ANKRD60: variants seen among roughly 807,000 people sequenced by gnomAD.
The protein encoded by ANKRD60 is ankyrin repeat domain 60.
A neutral mutation model predicts 21.3 loss-of-function variants in ANKRD60; 24 were observed. The observed-to-expected ratio is 1.13, with a 90% CI of 0.82 to 1.59. ANKRD60 has a LOEUF of 1.59. ANKRD60 is among the 40% of genes most tolerant of loss of function. The pLI is 0.00. For synonymous variants in ANKRD60, 182 were observed against 199.4 expected (o/e 0.91, Z 0.74); for missense variants, 490 against 466.7 (o/e 1.05, Z -0.46).
chr20:58,225,080 T>A (rs1193270002), intron 1 of ANKRD60, among the ~76,000 whole-genome samples: 1 of 152,172 alleles, frequency 6.6e-6, no homozygotes, highest in Admixed American at 6.5e-5. Context: ...GAGTAGCACT[T>A]TCTGTCTTTC....
rs1370366387 is a variant in ANKRD60, at chr20:58,228,235, T to C, written c.419A>G (p.Tyr140Cys). Residue 140 changes from tyrosine to cysteine, a missense_variant, in exon 1 of 4, where the codon TAC becomes TGC. Coordinates refer to ENST00000457363, the Ensembl canonical transcript of ANKRD60. This position sits in a 1 kb window ranked among gnomAD's most constrained non-coding sequence, Gnocchi z 5.3. ...AGGGCAGGAGCCACCTTCGTCGAGGTACTGGAGCCGCTGGAGGTTGAAGGG... is the reference window on the plus strand; with the variant it reads ...AGGGCAGGAGCCACCTTCGTCGAGGCACTGGAGCCGCTGGAGGTTGAAGGG... 1.3e-6 allele frequency: 2 copies of C among 1,549,078 alleles called. No individual in the cohort carries two copies. Among genetic ancestry groups the C allele is most frequent in the African/African-American group, 2.7e-5 (2 of 72,916 alleles).
In ANKRD60 at chr20:58,223,503, A is replaced by T. The variant is rs538308682; in HGVS notation, c.431-321T>A. Among the ~76,000 whole-genome samples, 13 of 152,368 alleles carry T rather than the reference A, an allele frequency of 8.5e-5. 1 individual carries two copies. The highest frequency in any genetic ancestry group is 5.9e-4 in the Admixed American group (9 of 15,314). ...ATTTTATGAGGCAAACTCTACAAAT[A>T]GAATGACTTAAACCTGAAGTAACCA... On this transcript the variant is annotated intron_variant, in intron 1 of 3. Transcript: ENST00000457363.
intron 1 of ANKRD60, among the ~76,000 whole-genome samples, chr20:58,224,136 G>A (rs1203151052): frequency 6.6e-6 from 1 of 151,752 alleles, no homozygotes; most frequent in Non-Finnish European, 1.5e-5. Flanking sequence ...TTACCAAATG[G>A]GCTCTGGGGG....
At chr20:58,222,517 C>T (rs1465911498) in intron 2 of ANKRD60, among the ~76,000 whole-genome samples, 4 of 152,220 alleles carry the variant, frequency 2.6e-5, no homozygotes, top group Non-Finnish European at 5.9e-5. Context: ...GATTCATCTT[C>T]CCTGTTGGGT....
intron 3 of ANKRD60, among the ~76,000 whole-genome samples, chr20:58,219,709 T>C (rs1984207275): frequency 6.6e-6 from 1 of 152,218 alleles, no homozygotes; most frequent in African/African-American, 2.4e-5. Flanking sequence ...CTCCGGCTGG[T>C]TGGTGAGGTA....
Position 58,228,025 on chromosome 20 carries a change from G to A in ANKRD60, c.430+199C>T, listed in dbSNP as rs141230141. Among the ~76,000 whole-genome samples, 1 of 152,252 alleles carries A rather than the reference G, an allele frequency of 6.6e-6. No individual in the cohort carries two copies. The highest frequency in any genetic ancestry group is 2.4e-5 in the African/African-American group (1 of 41,542). On this transcript the variant is annotated intron_variant, in intron 1 of 3. Transcript: ENST00000457363. This position sits in a 1 kb window ranked among gnomAD's most constrained non-coding sequence, Gnocchi z 5.3. ...ATTGGGAGTCCAATTTGAACGCCGTGTGTTTGAGATTGGGAAGTCCCTCTG... is the reference window on the plus strand; with the variant it reads ...ATTGGGAGTCCAATTTGAACGCCGTATGTTTGAGATTGGGAAGTCCCTCTG...
intron 3 of ANKRD60, among the ~76,000 whole-genome samples, chr20:58,221,131 GAGA>G (rs943359845): frequency 2.0e-5 from 3 of 152,176 alleles, no homozygotes; most frequent in East Asian, 1.9e-4. Context: ...ACCTGGTGAA[GAGA>G]AGGAGGGCAG....
intron 2 of ANKRD60, among the ~76,000 whole-genome samples, chr20:58,222,181 G>A (rs185818856): frequency 1.3e-5 from 2 of 152,282 alleles, no homozygotes; most frequent in African/African-American, 2.4e-5. Flanking sequence ...AACCAAGCAT[G>A]GACCACACTG....
chr20:58,223,964 C>T (rs1016930982), intron 1 of ANKRD60, among the ~76,000 whole-genome samples: 6 of 152,072 alleles, frequency 3.9e-5, no homozygotes, highest in African/African-American at 9.7e-5. Flanking sequence ...TATCTGGGCC[C>T]GATGGCTCAC....
chr20:58,220,424 A>G (rs903167231), intron 3 of ANKRD60, among the ~76,000 whole-genome samples: 1 of 151,962 alleles, frequency 6.6e-6, no homozygotes, highest in African/African-American at 2.4e-5. Flanking sequence ...ATGGAATACT[A>G]TGTAAAGCTC....
chr20:58,228,237 C>A lies in ANKRD60; in HGVS notation c.417G>T (p.Gln139His). 6.5e-7 allele frequency: 1 copy of A among 1,549,538 alleles called. No homozygotes were observed. Among genetic ancestry groups the A allele is most frequent in the Non-Finnish European group, 8.7e-7 (1 of 1,145,718 alleles). Residue 139 changes from glutamine to histidine, a missense_variant, in exon 1 of 4, where the codon CAG becomes CAT. Physicochemically the swap from Gln to His is conservative, Grantham distance 24. Coordinates refer to ENST00000457363, the Ensembl canonical transcript of ANKRD60. This position sits in a 1 kb window ranked among gnomAD's most constrained non-coding sequence, Gnocchi z 5.3. ...GGCAGGAGCCACCTTCGTCGAGGTACTGGAGCCGCTGGAGGTTGAAGGGGA... is the reference window on the plus strand; with the variant it reads ...GGCAGGAGCCACCTTCGTCGAGGTAATGGAGCCGCTGGAGGTTGAAGGGGA...
chr20:58,228,157 A>T lies in ANKRD60; in HGVS notation c.430+67T>A. 7.1e-7 allele frequency: 1 copy of T among 1,401,544 alleles called. No homozygotes were observed. Among genetic ancestry groups the T allele is most frequent in the Non-Finnish European group, 9.6e-7 (1 of 1,041,038 alleles). The allele number at this position is 1,401,544 out of a possible 1,614,324, so 86.8% of individuals were successfully genotyped here. ...TCACGTAAGCAGGCTTCCCTTTGGG[A>T]ATCCACTTCAGAAGTGGACAGGGTG... On this transcript the variant is annotated intron_variant, in intron 1 of 3. Coordinates refer to ENST00000457363, the Ensembl canonical transcript of ANKRD60. The surrounding 1 kb of genome is among the most constrained non-coding windows in gnomAD (Gnocchi z 5.3).
At chr20:58,220,489 CAGAGAGAG>C (rs11469843) in intron 3 of ANKRD60, among the ~76,000 whole-genome samples, 163 of 144,362 alleles carry the variant, frequency 1.1e-3, no homozygotes, top group South Asian at 3.4e-3. Flanking sequence ...TCAAGAGAGC[CAGAGAGAG>C]AGAGAGAGAG....
rs560286526 is a variant in ANKRD60 at position 58,224,141 on chromosome 20, TG to T, written c.431-960del. Among the ~76,000 whole-genome samples the T allele has an allele frequency of 3.4e-3, 520 of 151,258 alleles. 5 individuals are homozygous for T. The highest frequency in any genetic ancestry group is 0.012 in the African/African-American group (504 of 41,264). On this transcript the variant is annotated intron_variant, in intron 1 of 3. Coordinates refer to ENST00000457363, the Ensembl canonical transcript of ANKRD60. ...GCTCCAGACATTACCAAATGGGCTCTGGGGGACAAAATCTCCCTAGCTAAGA... is the reference window on the plus strand; with the variant it reads ...GCTCCAGACATTACCAAATGGGCTCTGGGGACAAAATCTCCCTAGCTAAGA...
chr20:58,218,910 G>T, intron 3 of ANKRD60, 105 bp from the exon 4 acceptor site: 1 of 1,097,978 alleles, frequency 9.1e-7, no homozygotes, highest in Non-Finnish European at 1.3e-6. Context: ...CTGCTGCCTG[G>T]CCCAGCTCCA....
chr20:58,219,981 C>G (rs185007824), intron 3 of ANKRD60, among the ~76,000 whole-genome samples: 2 of 152,190 alleles, frequency 1.3e-5, no homozygotes, highest in African/African-American at 4.8e-5. Context: ...GTTGAGGTAA[C>G]CTTTACCCAT....
At chr20:58,226,483 G>A (rs999376417) in intron 1 of ANKRD60, among the ~76,000 whole-genome samples, 6 of 152,160 alleles carry the variant, frequency 3.9e-5, no homozygotes, top group African/African-American at 1.4e-4. Context: ...TGGGGTTCTG[G>A]TATAAATAAG....
exon 2 of ANKRD60, chr20:58,223,154 C>G: frequency 1.0e-5 from 16 of 1,551,054 alleles, no homozygotes; most frequent in Non-Finnish European, 1.4e-5. Flanking sequence ...CATCATGGAA[C>G]TTCAGGGTAG....
chr20:58,217,226 C>T (rs1984154800), downstream of ANKRD60, among the ~76,000 whole-genome samples: 2 of 152,040 alleles, frequency 1.3e-5, no homozygotes, highest in Admixed American at 6.5e-5. Context: ...GTCAGGAGTT[C>T]GAGACCAACC....
Sources: allele counts gnomAD v4.1 joint callset (sites outside exome capture counted in the v4.1 genomes callset), GRCh38; gene constraint gnomAD v4.1.1; non-coding constraint Gnocchi (gnomAD v3.1); transcripts MANE v1.5; gene names NCBI Gene and HGNC (gene_info 2026-07-23, HGNC 2026-07-21).